SMC5: variants seen among roughly 807,000 people sequenced by gnomAD.
The protein encoded by SMC5 is structural maintenance of chromosomes 5, also known as structural maintenance of chromosomes protein 5.
Under a neutral mutation model 148.3 loss-of-function variants are expected in SMC5, and 88 were observed. That is an observed-to-expected ratio of 0.59 (90% CI 0.50 to 0.71). SMC5 has a LOEUF of 0.71. Among genes scored for constraint, SMC5 ranks in the 30% least tolerant of loss-of-function variants. The pLI, the probability that SMC5 is intolerant of heterozygous loss-of-function variation, is 0.00. For missense variants in SMC5, 1,142 were observed against 1,298.9 expected (o/e 0.88, Z 1.86); for synonymous variants, 421 against 432.8 (o/e 0.97, Z 0.34).
Position 70,347,053 on chromosome 9 carries a change from AT to A in SMC5, c.2569-6del, listed in dbSNP as rs758987773. 17 of 1,605,114 alleles carry A rather than the reference AT, an allele frequency of 1.1e-5. No homozygotes were observed. In the South Asian group the frequency reaches 1.5e-4, roughly 15 times the overall value. On this transcript the variant is annotated splice_polypyrimidine_tract_variant and intron_variant, in intron 19 of 24. Coordinates refer to ENST00000361138, the MANE Select transcript of SMC5 (RefSeq NM_015110.4). ...TTCATTGTATCTATAATGACGGGCA[AT>A]TTTTTTCTTAGGTTTTCCAAGACCT...
intron 15 of SMC5, among the ~76,000 whole-genome samples, chr9:70,322,709 G>C (rs548022053): frequency 6.6e-6 from 1 of 152,186 alleles, no homozygotes; most frequent in East Asian, 1.9e-4. Flanking sequence ...GGCGGTGGGC[G>C]CCTGTAATCC....
intron 19 of SMC5, 36 bp downstream of exon 19, chr9:70,346,685 T>A: frequency 6.2e-7 from 1 of 1,610,420 alleles, no homozygotes; most frequent in Non-Finnish European, 8.5e-7. Context: ...CAAGCTCCTG[T>A]TTTCCCTCTG....
Position 70,282,522 on chromosome 9 carries a change from CAT to C in SMC5, c.921_922del (p.Cys308SerfsTer3). The C allele has an allele frequency of 6.2e-7, 1 of 1,600,106 alleles. No homozygotes were observed. The highest frequency in any genetic ancestry group is 8.5e-7 in the Non-Finnish European group (1 of 1,175,160). On this transcript the variant is annotated frameshift_variant, in exon 7 of 25. Coordinates refer to ENST00000361138, the MANE Select transcript of SMC5 (RefSeq NM_015110.4). LOFTEE classifies it high-confidence loss of function. ...CTTAAAGAAGGGCAGATTCCTGTAA[CAT>C]GTCGAATTGAAGAAATGGAAAACGA...
Position 70,297,955 on chromosome 9 carries a change from T to G in SMC5, c.1054-11T>G, listed in dbSNP as rs1018574987. ...ACAGTCTCAAGTACTAACCTACTTT[T>G]GTTTTATTAGATTGAGGAACTTCAG... On this transcript the variant is annotated splice_polypyrimidine_tract_variant and intron_variant, in intron 8 of 24. Transcript: ENST00000361138. The G allele has an allele frequency of 6.2e-7, 1 of 1,606,478 alleles. No individual in the cohort carries two copies. Among genetic ancestry groups the G allele is most frequent in the Admixed American group, 1.7e-5 (1 of 58,482 alleles).
intron 18 of SMC5, 156 bp from the exon 19 acceptor site, chr9:70,346,449 C>A: frequency 2.7e-6 from 2 of 747,242 alleles, no homozygotes; most frequent in African/African-American, 1.8e-5. Flanking sequence ...GTCCCCATGG[C>A]ATGGACTCAG....
Position 70,264,291 on chromosome 9 carries a change from C to T in SMC5, c.186-13C>T. The T allele has an allele frequency of 1.2e-6, 2 of 1,604,226 alleles. No homozygotes were observed. Among genetic ancestry groups the T allele is most frequent in the Non-Finnish European group, 1.7e-6 (2 of 1,174,734 alleles). Reference sequence around the variant, plus strand: ...GTATCTCTCCTTAATAATTTCATCTCTTTATAATTCAGAACATATGATATT... The same window carrying T: ...GTATCTCTCCTTAATAATTTCATCTTTTTATAATTCAGAACATATGATATT... On this transcript the variant is annotated splice_polypyrimidine_tract_variant and intron_variant, in intron 1 of 24. Coordinates refer to ENST00000361138, the MANE Select transcript of SMC5 (RefSeq NM_015110.4).
At chr9:70,336,773 C>T (rs142282966) in intron 17 of SMC5, among the ~76,000 whole-genome samples, 38 of 152,294 alleles carry the variant, frequency 2.5e-4, no homozygotes, top group African/African-American at 8.9e-4. Flanking sequence ...AAGAAGTTGA[C>T]CCATCAGGCA....
chr9:70,267,847 A>G, intron 2 of SMC5, 76 bp from the exon 3 acceptor site: 1 of 1,321,768 alleles, frequency 7.6e-7, no homozygotes, highest in South Asian at 1.3e-5. Flanking sequence ...TTGACAAATA[A>G]TAATGACTGC....
chr9:70,325,012 AT>A (rs1362018293), intron 17 of SMC5, among the ~76,000 whole-genome samples: 1 of 152,042 alleles, frequency 6.6e-6, no homozygotes, highest in Non-Finnish European at 1.5e-5. Flanking sequence ...CGGGTTTCTT[AT>A]TGGGGTTTCA....
intron 8 of SMC5, among the ~76,000 whole-genome samples, chr9:70,290,784 TA>T (rs1397281794): frequency 2.0e-5 from 3 of 152,194 alleles, no homozygotes; most frequent in African/African-American, 7.2e-5. Context: ...TAATTTTACA[TA>T]AACACACTCT....
intron 2 of SMC5, among the ~76,000 whole-genome samples, chr9:70,266,570 A>G (rs2034297575): frequency 6.6e-6 from 1 of 152,174 alleles, no homozygotes; most frequent in Non-Finnish European, 1.5e-5. Context: ...GATTTTTGTC[A>G]TGAAAACACA....
chr9:70,347,965 T>A lies in SMC5; in HGVS notation c.2816T>A (p.Ile939Asn). ...CCTTTAAAAGAGCTGGTAGAAAAAA[T>A]TAATGAAAAATTCAGCAATTTTTTT... ...LNPLKELVEK[I>N]NEKFSNFFSS... The change falls in exon 22 of 25, where the codon ATT (isoleucine) becomes AAT (asparagine). Residue 939 changes from isoleucine (I) to asparagine (N), a missense_variant. Physicochemically the swap from Ile to Asn is moderately radical, Grantham distance 149 (BLOSUM62 -3). Transcript: ENST00000361138. 6.2e-7 allele frequency: 1 copy of A among 1,606,966 alleles called. No homozygotes were observed. The highest frequency in any genetic ancestry group is 8.5e-7 in the Non-Finnish European group (1 of 1,176,994).
At chr9:70,286,161 A>C in intron 7 of SMC5, 39 bp from the exon 8 acceptor site, 4 of 1,343,608 alleles carry the variant, frequency 3.0e-6, no homozygotes, top group South Asian at 1.2e-5. Context: ...ATGAGTTTTT[A>C]ACTAGCTGTC....
At chr9:70,286,559 A>G (rs2118240665) in intron 8 of SMC5, among the ~76,000 whole-genome samples, 1 of 152,282 alleles carries the variant, frequency 6.6e-6, no homozygotes, top group South Asian at 2.1e-4. Flanking sequence ...AGCAAAAACT[A>G]AGGTCTAAGG....
At chr9:70,308,285 T>C (rs1307242305) in intron 11 of SMC5, among the ~76,000 whole-genome samples, 2 of 152,056 alleles carry the variant, frequency 1.3e-5, no homozygotes, top group Admixed American at 1.3e-4. Context: ...TGTTCAAGCC[T>C]AGAACCCTCT....
At chr9:70,349,976 T>C (rs1420398060) in intron 22 of SMC5, 138 bp from the exon 23 acceptor site, 1 of 461,580 alleles carries the variant, frequency 2.2e-6, no homozygotes, top group East Asian at 3.6e-5. Context: ...ACATATATAT[T>C]TATTGTTACA....
intron 17 of SMC5, among the ~76,000 whole-genome samples, chr9:70,329,362 G>T (rs1371910877): frequency 1.3e-5 from 2 of 152,164 alleles, no homozygotes; most frequent in East Asian, 3.8e-4. Context: ...GCTGTTAGAA[G>T]CAGCCAGGCC....
chr9:70,310,222 T>C (rs967958733), intron 11 of SMC5, among the ~76,000 whole-genome samples: 4 of 152,218 alleles, frequency 2.6e-5, no homozygotes, highest in African/African-American at 9.7e-5. Context: ...GTGGCAGCCA[T>C]ACATAGTGTT....
intron 7 of SMC5, among the ~76,000 whole-genome samples, chr9:70,283,984 G>C (rs571451532): frequency 1.3e-5 from 2 of 152,300 alleles, no homozygotes; most frequent in Non-Finnish European, 2.9e-5. Context: ...TTCTAGATGT[G>C]ATTGTACTTT....
Sources: allele counts gnomAD v4.1 joint callset (sites outside exome capture counted in the v4.1 genomes callset), GRCh38; gene constraint gnomAD v4.1.1; transcripts MANE v1.5; gene names NCBI Gene and HGNC (gene_info 2026-07-23, HGNC 2026-07-21).